The following XYLT1 variants were observed in gnomAD, a reference collection of about 807,000 sequenced individuals.
XYLT1 encodes beta-D-xylosyltransferase 1.
In XYLT1, 36 loss-of-function variants were observed where a neutral mutation model predicts 91.3. The observed-to-expected ratio is 0.39, with a 90% CI of 0.30 to 0.52. The LOEUF (loss-of-function observed/expected upper bound fraction) is 0.52, where lower values mean the gene tolerates loss of function less well. XYLT1 is among the 20% of genes least tolerant of loss of function. The pLI, the probability that XYLT1 is intolerant of heterozygous loss-of-function variation, is 0.68. For missense variants in XYLT1, 1,242 were observed against 1,284.5 expected, an observed-to-expected ratio of 0.97 and a Z score of 0.51; for synonymous variants, 588 against 532.0, an observed-to-expected ratio of 1.11 and a Z score of -1.45.
At chr16:17,165,029 G>C (rs533965813) in intron 5 of XYLT1, among the ~76,000 whole-genome samples, 1 of 152,316 alleles carries the variant, frequency 6.6e-6, no homozygotes, top group South Asian at 2.1e-4. Flanking sequence ...TCACCCTCCT[G>C]TGATCAACCC....
chr16:17,277,672 G>A (rs543694031), intron 2 of XYLT1, among the ~76,000 whole-genome samples: 1 of 152,262 alleles, frequency 6.6e-6, no homozygotes. Context: ...TTACAGGGGT[G>A]AGCCCCCGGG....
At chr16:17,230,013 C>A (rs2141720127) in intron 3 of XYLT1, among the ~76,000 whole-genome samples, 1 of 152,248 alleles carries the variant, frequency 6.6e-6, no homozygotes, top group East Asian at 1.9e-4. Flanking sequence ...CATCTACAAG[C>A]CAAGAAACAC....
At chr16:17,329,299 C>T (rs997112808) in intron 2 of XYLT1, among the ~76,000 whole-genome samples, 6 of 152,234 alleles carry the variant, frequency 3.9e-5, no homozygotes, top group Non-Finnish European at 7.3e-5. Flanking sequence ...CAAATTATTT[C>T]AATCCACCAC....
chr16:17,107,476 T>C lies in XYLT1; in HGVS notation c.*1219A>G, dbSNP rs1966793277. The C allele has an allele frequency of 6.6e-6, 1 of 152,636 alleles. No homozygotes were observed. Among genetic ancestry groups the C allele is most frequent in the Non-Finnish European group, 1.5e-5 (1 of 68,036 alleles). The allele number at this position is 152,636 out of a possible 1,614,324, so 9.5% of individuals were successfully genotyped here. A position where few individuals can be genotyped will look rare whatever the true frequency, so the allele number is the denominator to read the frequency against. ...ACTCAACACTTAAATCATACTGTTTTTTGTTGTTTAAATAACCTTCCCATT... is the reference window on the plus strand; with the variant it reads ...ACTCAACACTTAAATCATACTGTTTCTTGTTGTTTAAATAACCTTCCCATT... On this transcript the variant is annotated 3_prime_UTR_variant, in exon 12 of 12. Transcript: ENST00000261381.
chr16:17,421,249 T>A (rs2036248266), intron 1 of XYLT1, among the ~76,000 whole-genome samples: 1 of 152,194 alleles, frequency 6.6e-6, no homozygotes, highest in African/African-American at 2.4e-5. Context: ...GATAGGAGAA[T>A]CACTACAAGG....
chr16:17,124,401 C>A (rs776987474), intron 10 of XYLT1, among the ~76,000 whole-genome samples: 1 of 152,170 alleles, frequency 6.6e-6, no homozygotes, highest in Non-Finnish European at 1.5e-5. Context: ...ATACACGATG[C>A]GTGGCTGGTA....
At chr16:17,304,154 C>T (rs894661653) in intron 2 of XYLT1, among the ~76,000 whole-genome samples, 1 of 151,926 alleles carries the variant, frequency 6.6e-6, no homozygotes, top group South Asian at 2.1e-4. Context: ...TTGGTAATAA[C>T]CATCGTGGTG....
chr16:17,109,146 T>C (rs1195507864), intron 11 of XYLT1, 129 bp from the exon 12 acceptor site: 1 of 1,001,126 alleles, frequency 1.0e-6, no homozygotes, highest in Non-Finnish European at 1.4e-6. Context: ...GACAATCTCA[T>C]GAGGAAGTTC....
intron 6 of XYLT1, among the ~76,000 whole-genome samples, chr16:17,142,021 C>T (rs1411802672): frequency 6.6e-6 from 1 of 152,138 alleles, no homozygotes; most frequent in Non-Finnish European, 1.5e-5. Context: ...CTCCTGCCTC[C>T]AGCTCCTGAG....
chr16:17,320,058 C>T (rs2034693552), intron 2 of XYLT1, among the ~76,000 whole-genome samples: 1 of 152,294 alleles, frequency 6.6e-6, no homozygotes, highest in African/African-American at 2.4e-5. Flanking sequence ...CCTGGCCATC[C>T]TACATAACAT....
intron 2 of XYLT1, among the ~76,000 whole-genome samples, chr16:17,301,345 G>A (rs1038735070): frequency 3.9e-5 from 6 of 152,094 alleles, no homozygotes; most frequent in Admixed American, 1.3e-4. Flanking sequence ...AGGAGGCAGT[G>A]GTTGCACTGA....
chr16:17,186,018 T>C (rs1597176805), intron 5 of XYLT1, among the ~76,000 whole-genome samples: 1 of 152,074 alleles, frequency 6.6e-6, no homozygotes, highest in East Asian at 1.9e-4. Flanking sequence ...AATATATATA[T>C]ACACAGAGAG....
intron 1 of XYLT1, among the ~76,000 whole-genome samples, chr16:17,363,693 C>G (rs1456676111): frequency 1.3e-5 from 2 of 152,182 alleles, no homozygotes; most frequent in Non-Finnish European, 2.9e-5. Flanking sequence ...GTGGTTGCCA[C>G]CACGCCCAGC....
chr16:17,138,601 G>A (rs2030857298), intron 7 of XYLT1, 70 bp from the exon 8 acceptor site: 2 of 1,559,720 alleles, frequency 1.3e-6, no homozygotes, highest in Non-Finnish European at 8.8e-7. Context: ...GGTGGGAAAT[G>A]GTGAACCCTT....
At chr16:17,153,107 CATT>C (rs1318376473) in intron 6 of XYLT1, among the ~76,000 whole-genome samples, 3 of 152,200 alleles carry the variant, frequency 2.0e-5, no homozygotes, top group Non-Finnish European at 4.4e-5. Context: ...ACAACACCAT[CATT>C]ATCACCACTA....
chr16:17,132,727 A>C (rs1225321567), intron 9 of XYLT1, among the ~76,000 whole-genome samples: 1 of 152,122 alleles, frequency 6.6e-6, no homozygotes, highest in Non-Finnish European at 1.5e-5. Context: ...ACCTGGTGAA[A>C]TCCTGTCTCT....
chr16:17,215,586 G>A (rs2032840195), intron 3 of XYLT1, among the ~76,000 whole-genome samples: 1 of 152,076 alleles, frequency 6.6e-6, no homozygotes, highest in Non-Finnish European at 1.5e-5. Context: ...AAGCCACCTG[G>A]TCTATGGTAA....
chr16:17,359,490 T>C (rs1324041866), intron 1 of XYLT1, among the ~76,000 whole-genome samples: 2 of 152,228 alleles, frequency 1.3e-5, no homozygotes, highest in African/African-American at 4.8e-5. Flanking sequence ...CGGTGAGCTC[T>C]GCTCAGCTCT....
intron 3 of XYLT1, among the ~76,000 whole-genome samples, chr16:17,225,177 A>ACTCTCTCTCT (rs1555488928): frequency 6.1e-5 from 9 of 147,462 alleles, no homozygotes; most frequent in East Asian, 4.0e-4. Flanking sequence ...ACACACACAC[A>ACTCTCTCTCT]CTCTCTCTCT....
Sources: gnomAD v4.1 joint callset for allele counts (sites outside exome capture counted in the v4.1 genomes callset) on GRCh38, gnomAD v4.1.1 for gene constraint, MANE v1.5 for transcripts, NCBI Gene and HGNC (gene_info 2026-07-23, HGNC 2026-07-21) for gene names.